BRINP3: variants seen among roughly 807,000 people sequenced by gnomAD.
BRINP3 encodes BMP/retinoic acid inducible neural specific 3.
A neutral mutation model predicts 71.0 loss-of-function variants in BRINP3; 19 were observed. That is an observed-to-expected ratio of 0.27 (90% CI 0.19 to 0.39). BRINP3 has a LOEUF of 0.39. Ranked by LOEUF, BRINP3 falls within the 10% of genes least tolerant of loss-of-function variation. BRINP3 has a pLI of 1.00. For missense variants in BRINP3, 959 were observed against 940.8 expected (o/e 1.02, Z -0.25); for synonymous variants, 380 against 337.7 (o/e 1.13, Z -1.37).
intron 5 of BRINP3, among the ~76,000 whole-genome samples, chr1:190,230,785 A>G (rs979106076): frequency 1.3e-5 from 2 of 151,840 alleles, no homozygotes; most frequent in African/African-American, 4.8e-5. Context: ...ACACTCACAC[A>G]CACACAGGCA....
intron 6 of BRINP3, among the ~76,000 whole-genome samples, chr1:190,182,265 G>C (rs921492250): frequency 1.3e-5 from 2 of 151,768 alleles, no homozygotes; most frequent in Non-Finnish European, 2.9e-5. Context: ...TTGTGTCTTT[G>C]ACTAATTTTT....
intron 7 of BRINP3, among the ~76,000 whole-genome samples, chr1:190,117,507 T>C (rs1219441902): frequency 6.6e-6 from 1 of 152,038 alleles, no homozygotes; most frequent in Non-Finnish European, 1.5e-5. Flanking sequence ...AATATTGTTT[T>C]ATATGTTTTA....
chr1:190,448,120 G>A (rs988202130), intron 2 of BRINP3, among the ~76,000 whole-genome samples: 3 of 151,470 alleles, frequency 2.0e-5, no homozygotes, highest in Non-Finnish European at 4.4e-5. Context: ...CTATTGTATT[G>A]AATATCCTTA....
chr1:190,133,432 GA>G (rs918007738), intron 7 of BRINP3, among the ~76,000 whole-genome samples: 3 of 151,982 alleles, frequency 2.0e-5, no homozygotes, highest in Non-Finnish European at 4.4e-5. Flanking sequence ...CCACAAATCA[GA>G]GGCAGGACAT....
chr1:190,120,754 G>A (rs1016813015), intron 7 of BRINP3, among the ~76,000 whole-genome samples: 5 of 151,074 alleles, frequency 3.3e-5, no homozygotes, highest in Non-Finnish European at 5.9e-5. Flanking sequence ...CCACCGCCTC[G>A]GCCTCCCAAA....
At chr1:190,182,341 A>G (rs1355331547) in intron 6 of BRINP3, among the ~76,000 whole-genome samples, 1 of 152,058 alleles carries the variant, frequency 6.6e-6, no homozygotes, top group Non-Finnish European at 1.5e-5. Context: ...TTGTTAGAGT[A>G]CTGCAGGTTC....
intron 2 of BRINP3, among the ~76,000 whole-genome samples, chr1:190,351,942 T>G (rs1282929448): frequency 6.6e-6 from 1 of 152,100 alleles, no homozygotes; most frequent in African/African-American, 2.4e-5. Context: ...ATGCTTTGAA[T>G]AAGTTAGAGG....
intron 7 of BRINP3, among the ~76,000 whole-genome samples, chr1:190,157,095 G>C (rs1001682125): frequency 6.6e-6 from 1 of 151,372 alleles, no homozygotes; most frequent in East Asian, 1.9e-4. Flanking sequence ...TATCCCAAGA[G>C]GATTGGTTCC....
chr1:190,355,257 T>A (rs1442570), intron 2 of BRINP3, among the ~76,000 whole-genome samples: 24,879 of 151,784 alleles, frequency 0.16, 2,110 homozygotes, highest in East Asian at 0.22. Flanking sequence ...ATACAACCTT[T>A]GGATCTCCTA....
chr1:190,114,708 C>T (rs959003640), intron 7 of BRINP3, among the ~76,000 whole-genome samples: 2 of 152,010 alleles, frequency 1.3e-5, no homozygotes, highest in Non-Finnish European at 2.9e-5. Context: ...GCCCGTAAGA[C>T]CCTGTATAAT....
At chr1:190,406,926 G>T (rs1271937761) in intron 2 of BRINP3, among the ~76,000 whole-genome samples, 1 of 151,908 alleles carries the variant, frequency 6.6e-6, no homozygotes, top group Non-Finnish European at 1.5e-5. Context: ...CTCTTTTTTG[G>T]TCAAGCTAGA....
chr1:190,357,237 T>G (rs902827996), intron 2 of BRINP3, among the ~76,000 whole-genome samples: 1 of 152,102 alleles, frequency 6.6e-6, no homozygotes, highest in Middle Eastern at 3.4e-3. Context: ...TAAAAAGACA[T>G]TTTGAAATTG....
chr1:190,156,366 G>T (rs1397692121), intron 7 of BRINP3, among the ~76,000 whole-genome samples: 1 of 151,852 alleles, frequency 6.6e-6, no homozygotes, highest in African/African-American at 2.4e-5. Flanking sequence ...TTCCATAAAG[G>T]CAAGAAAAAA....
chr1:190,329,552 A>T (rs958189364), intron 2 of BRINP3, among the ~76,000 whole-genome samples: 1 of 152,106 alleles, frequency 6.6e-6, no homozygotes, highest in African/African-American at 2.4e-5. Context: ...AAATGAAAAA[A>T]CATTACATGC....
At chr1:190,394,639 G>T (rs1264252421) in intron 2 of BRINP3, among the ~76,000 whole-genome samples, 1 of 151,400 alleles carries the variant, frequency 6.6e-6, no homozygotes, top group East Asian at 1.9e-4. Context: ...TAGCAAAAAA[G>T]ATAAAGATAC....
chr1:190,125,562 C>T (rs1178913486), intron 7 of BRINP3, among the ~76,000 whole-genome samples: 3 of 151,882 alleles, frequency 2.0e-5, no homozygotes, highest in African/African-American at 7.2e-5. Context: ...TGATTTTCTG[C>T]ATGGTTCATT....
intron 7 of BRINP3, among the ~76,000 whole-genome samples, chr1:190,146,139 G>C (rs777231769): frequency 1.3e-5 from 2 of 152,180 alleles, no homozygotes; most frequent in Non-Finnish European, 2.9e-5. Context: ...TAAACCCTCA[G>C]AAATCATCAA....
intron 7 of BRINP3, among the ~76,000 whole-genome samples, chr1:190,118,131 T>TACACAC (rs3078073): frequency 2.0e-5 from 3 of 150,132 alleles, no homozygotes; most frequent in Non-Finnish European, 4.5e-5. Flanking sequence ...TCCCAAATCA[T>TACACAC]ACACACACAC....
rs145074092 is a variant in BRINP3, at chr1:190,290,582, G to C, written c.237-8832C>G. On this transcript the variant is annotated intron_variant, in intron 2 of 7. Transcript: ENST00000367462. ...GTAGGCAAAAACAACTTTCATACTA[G>C]TGTTCATTAAACATTTTCTGCCAGA... 3.5e-3 allele frequency among the ~76,000 whole-genome samples: 530 copies of C among 152,120 alleles called. 3 individuals carry two copies. Among genetic ancestry groups the C allele is most frequent in the African/African-American group, 0.012 (517 of 41,528 alleles).
Sources: gnomAD v4.1 joint callset for allele counts (sites outside exome capture counted in the v4.1 genomes callset) on GRCh38, gnomAD v4.1.1 for gene constraint, MANE v1.5 for transcripts, NCBI Gene and HGNC (gene_info 2026-07-23, HGNC 2026-07-21) for gene names.